The following PPP1R12A variants were observed in gnomAD, a reference collection of about 807,000 sequenced individuals.
PPP1R12A encodes the protein myosin binding subunit.
PPP1R12A carries 19 observed loss-of-function variants against 139.6 expected under a neutral mutation model. The ratio of observed to expected loss-of-function variants is 0.14; its 90% confidence interval spans 0.09 to 0.20. The LOEUF is 0.20. Among genes scored for constraint, PPP1R12A ranks in the 10% least tolerant of loss-of-function variants. The pLI is 1.00. For missense variants in PPP1R12A, 925 were observed against 1,211.5 expected, an observed-to-expected ratio of 0.76 and a Z score of 3.51; for synonymous variants, 427 against 420.6, an observed-to-expected ratio of 1.02 and a Z score of -0.19.
chr12:79,796,967 TC>T lies in PPP1R12A; in HGVS notation c.2293-18del. The T allele has an allele frequency of 1.3e-6, 2 of 1,579,282 alleles. No homozygotes were observed. Among genetic ancestry groups the T allele is most frequent in the East Asian group, 4.5e-5 (2 of 44,538 alleles). ...CTGGTAAGTCTGTGAAACATTAAGA[TC>T]AAAACCCATTTGAAACATTAAACAC... On this transcript the variant is annotated intron_variant, in intron 16 of 24. Transcript: ENST00000450142.
chr12:79,922,207 G>A (rs181022012), intron 1 of PPP1R12A, among the ~76,000 whole-genome samples: 71 of 152,286 alleles, frequency 4.7e-4, no homozygotes, highest in Non-Finnish European at 7.2e-4. Flanking sequence ...GCTGCAGTGA[G>A]CTGTGTTCAC....
intron 2 of PPP1R12A, among the ~76,000 whole-genome samples, chr12:79,871,864 C>T (rs1301794169): frequency 6.6e-6 from 1 of 152,150 alleles, no homozygotes; most frequent in East Asian, 1.9e-4. Context: ...GGGAAAAAGA[C>T]TTCCTCAGTT....
chr12:79,821,092 C>G lies in PPP1R12A; in HGVS notation c.942G>C (p.Gln314His). The change falls in exon 7 of 25, where the codon CAG (glutamine) becomes CAC (histidine). Residue 314 changes from glutamine to histidine, a missense_variant. Gln to His is a conservative substitution (Grantham distance 24). Coordinates refer to ENST00000450142, the MANE Select transcript of PPP1R12A (RefSeq NM_002480.3). ...ATTTTACTCACTTTTTAAAGGTCTTCTGTGACTGATTATTGTCCATATTTG... is the reference window on the plus strand; with the variant it reads ...ATTTTACTCACTTTTTAAAGGTCTTGTGTGACTGATTATTGTCCATATTTG... ...STANMDNNQS[Q>H]KTFKNKETLI... 1 of 1,611,870 alleles carries G rather than the reference C, an allele frequency of 6.2e-7. No individual in the cohort carries two copies. The highest frequency in any genetic ancestry group is 1.3e-5 in the African/African-American group (1 of 75,000).
At chr12:79,799,430 G>T (rs1242006109) in intron 14 of PPP1R12A, among the ~76,000 whole-genome samples, 1 of 152,174 alleles carries the variant, frequency 6.6e-6, no homozygotes, top group Non-Finnish European at 1.5e-5. Context: ...GATTAAAGGC[G>T]TGGGCCACCG....
chr12:79,850,409 A>G (rs990341526), intron 2 of PPP1R12A, among the ~76,000 whole-genome samples: 1 of 152,244 alleles, frequency 6.6e-6, no homozygotes. Flanking sequence ...AGTCTCCACT[A>G]TCTTCTGAGT....
intron 1 of PPP1R12A, among the ~76,000 whole-genome samples, chr12:79,903,835 C>T (rs1456124406): frequency 2.6e-5 from 4 of 152,166 alleles, no homozygotes; most frequent in African/African-American, 9.7e-5. Flanking sequence ...TGTAAAACCA[C>T]ATTATACAAC....
At chr12:79,865,430 G>A (rs973541830) in intron 2 of PPP1R12A, among the ~76,000 whole-genome samples, 5 of 152,140 alleles carry the variant, frequency 3.3e-5, no homozygotes, top group Non-Finnish European at 5.9e-5. Flanking sequence ...CCCCTCTCTC[G>A]TCACTCCTTT....
At position 79,828,348 on chromosome 12, in the gene PPP1R12A, A is replaced by C; in HGVS notation, c.764T>G (p.Leu255Arg). The change falls in exon 5 of 25, where the codon CTG becomes CGG. Residue 255 changes from leucine (L) to arginine (R), a missense_variant. Leu to Arg is a moderately radical substitution (Grantham distance 102). Around this residue, in one of 4 missense-constraint regions of PPP1R12A, gnomAD observed 199 missense variants for 352.4 expected, o/e 0.56. Transcript: ENST00000450142. ...EEACRILVDN[L>R]CDMEMVNKVG... ...TTTGTTGACCATCTCCATATCACAC[A>C]GATTGTCCACTAAAATTCGACATGC... 6.2e-7 allele frequency: 1 copy of C among 1,612,398 alleles called. No homozygotes were observed. The highest frequency in any genetic ancestry group is 8.5e-7 in the Non-Finnish European group (1 of 1,178,858).
chr12:79,877,481 C>T (rs2596801), intron 1 of PPP1R12A, among the ~76,000 whole-genome samples: 11,874 of 152,182 alleles, frequency 0.078, 783 homozygotes, highest in East Asian at 0.33. Context: ...CTGTGACTTG[C>T]ATAATCATTC....
intron 14 of PPP1R12A, among the ~76,000 whole-genome samples, chr12:79,799,116 AG>A (rs1872795327): frequency 1.3e-5 from 2 of 152,086 alleles, no homozygotes; most frequent in African/African-American, 2.4e-5. Context: ...ATTGGAAGAC[AG>A]GTATCAAATT....
chr12:79,892,418 A>G (rs1647637732), intron 1 of PPP1R12A, among the ~76,000 whole-genome samples: 1 of 152,218 alleles, frequency 6.6e-6, no homozygotes, highest in Non-Finnish European at 1.5e-5. Context: ...AACCAGAGTT[A>G]TTCTAATAAA....
At chr12:79,851,896 T>C (rs971109922) in intron 2 of PPP1R12A, among the ~76,000 whole-genome samples, 1 of 152,232 alleles carries the variant, frequency 6.6e-6, no homozygotes, top group Non-Finnish European at 1.5e-5. Flanking sequence ...TTTCCTCCAT[T>C]CTGCTACTGA....
chr12:79,834,614 C>T (rs1877852791), intron 3 of PPP1R12A, among the ~76,000 whole-genome samples: 1 of 152,036 alleles, frequency 6.6e-6, no homozygotes, highest in South Asian at 2.1e-4. Context: ...TCAGTCTGAG[C>T]AATTGAAAAA....
intron 1 of PPP1R12A, among the ~76,000 whole-genome samples, chr12:79,889,762 G>T (rs1185382656): frequency 6.6e-6 from 1 of 152,084 alleles, no homozygotes; most frequent in African/African-American, 2.4e-5. Context: ...ATCATAAACT[G>T]GGGGACTTAT....
chr12:79,927,431 C>T (rs934601160), intron 1 of PPP1R12A, among the ~76,000 whole-genome samples: 7 of 152,122 alleles, frequency 4.6e-5, no homozygotes. Context: ...AGTACTACTG[C>T]ACTTCAATTA....
At chr12:79,826,909 T>A (rs1876850416) in intron 5 of PPP1R12A, among the ~76,000 whole-genome samples, 1 of 152,174 alleles carries the variant, frequency 6.6e-6, no homozygotes, top group Non-Finnish European at 1.5e-5. Context: ...TTATCAGCAC[T>A]GCCCATATGA....
At chr12:79,905,208 C>T (rs1238400419) in intron 1 of PPP1R12A, among the ~76,000 whole-genome samples, 1 of 151,928 alleles carries the variant, frequency 6.6e-6, no homozygotes, top group East Asian at 1.9e-4. Context: ...AACATTCTAA[C>T]AAAATAAAAT....
chr12:79,783,124 C>A (rs966715607), intron 22 of PPP1R12A, among the ~76,000 whole-genome samples: 1 of 151,744 alleles, frequency 6.6e-6, no homozygotes, highest in African/African-American at 2.4e-5. Context: ...ACATAAAAGT[C>A]AATATTCCAA....
At position 79,807,238 on chromosome 12, in the gene PPP1R12A, G is replaced by C. The variant is rs373258575; in HGVS notation, c.1643C>G (p.Thr548Arg). The change falls in exon 12 of 25, where the codon ACG (threonine) becomes AGG (arginine). Residue 548 changes from threonine (T) to arginine (R), a missense_variant. By Grantham distance (71) the Thr-to-Arg change is moderately conservative. This residue lies in a region of PPP1R12A where 403 missense variants were observed against 463.7 expected (regional missense o/e 0.87). Coordinates refer to ENST00000450142, the MANE Select transcript of PPP1R12A (RefSeq NM_002480.3). ...KKNSSVNEGSTYHKSCSFGRR... is the reference protein window; with the variant it reads ...KKNSSVNEGSRYHKSCSFGRR... ...ATAGTATTATTACCTTTTATGATAC[G>C]TTGATCCTTCATTAACTGAGCTATT... The C allele has an allele frequency of 6.6e-7, 1 of 1,523,142 alleles. No individual in the cohort carries two copies. Among genetic ancestry groups the C allele is most frequent in the Non-Finnish European group, 8.9e-7 (1 of 1,123,610 alleles). 94.4% of individuals were successfully genotyped at this position (1,523,142 alleles called of 1,614,324 possible).
Sources: allele counts gnomAD v4.1 joint callset (sites outside exome capture counted in the v4.1 genomes callset), GRCh38; gene constraint gnomAD v4.1.1; regional missense constraint gnomAD v4.1.1; transcripts MANE v1.5; gene names NCBI Gene and HGNC (gene_info 2026-07-23, HGNC 2026-07-21).